The following CTDSPL2 variants were observed in gnomAD, a reference collection of about 807,000 sequenced individuals.
CTDSPL2 encodes CTD small phosphatase-like protein 2.
CTDSPL2 carries 5 observed loss-of-function variants against 60.0 expected under a neutral mutation model. That is an observed-to-expected ratio of 0.08 (90% CI 0.04 to 0.18). CTDSPL2 has a LOEUF of 0.18. Among genes scored for constraint, CTDSPL2 ranks in the 10% least tolerant of loss-of-function variants. CTDSPL2 has a pLI of 1.00. For missense variants in CTDSPL2, 370 were observed against 548.8 expected, an observed-to-expected ratio of 0.67 and a Z score of 3.26; for synonymous variants, 186 against 189.3, an observed-to-expected ratio of 0.98 and a Z score of 0.14.
chr15:44,449,921 G>A (rs1234356889), intron 1 of CTDSPL2, among the ~76,000 whole-genome samples: 2 of 151,826 alleles, frequency 1.3e-5, no homozygotes, highest in Non-Finnish European at 2.9e-5. Context: ...AACCCAGGAG[G>A]TGGAGGTTGC....
chr15:44,475,906 C>T (rs1171629363), intron 2 of CTDSPL2, among the ~76,000 whole-genome samples: 1 of 152,090 alleles, frequency 6.6e-6, no homozygotes, highest in Non-Finnish European at 1.5e-5. Context: ...TTGCTATTGA[C>T]AATTGCATCA....
chr15:44,521,467 A>C, intron 12 of CTDSPL2, 61 bp downstream of exon 12: 4 of 918,078 alleles, frequency 4.4e-6, no homozygotes, highest in Non-Finnish European at 6.8e-6. Flanking sequence ...TGAAATAAAT[A>C]TTTTTAAATG....
At chr15:44,429,960 GTCAGGGTTTGTATGTT>G (rs2079823917) in intron 1 of CTDSPL2, among the ~76,000 whole-genome samples, 1 of 152,216 alleles carries the variant, frequency 6.6e-6, no homozygotes, top group Non-Finnish European at 1.5e-5. Context: ...GCATAGGAAT[GTCAGGGTTTGTATGTT>G]TCACAAGATT....
At chr15:44,467,181 A>G (rs1251483142) in intron 2 of CTDSPL2, among the ~76,000 whole-genome samples, 1 of 152,202 alleles carries the variant, frequency 6.6e-6, no homozygotes, top group African/African-American at 2.4e-5. Context: ...TAGCACCCAG[A>G]TCTTGGTTTC....
chr15:44,491,049 AT>A, intron 5 of CTDSPL2, 50 bp downstream of exon 5: 1 of 1,382,330 alleles, frequency 7.2e-7, no homozygotes. Flanking sequence ...TTGATAAAAA[AT>A]AACAGTATTT....
At chr15:44,485,706 G>A (rs1207414337) in intron 3 of CTDSPL2, among the ~76,000 whole-genome samples, 11 of 152,142 alleles carry the variant, frequency 7.2e-5, no homozygotes, top group Admixed American at 7.2e-4. Flanking sequence ...AGAGTATGGA[G>A]TACTGTTTTA....
chr15:44,466,588 C>T (rs2080696981), intron 2 of CTDSPL2, among the ~76,000 whole-genome samples: 2 of 152,112 alleles, frequency 1.3e-5, no homozygotes, highest in Admixed American at 1.3e-4. Context: ...GTGTATTCTA[C>T]TACTTATCTA....
chr15:44,440,199 GTT>G (rs34781077), intron 1 of CTDSPL2, among the ~76,000 whole-genome samples: 6 of 140,704 alleles, frequency 4.3e-5, no homozygotes, highest in Admixed American at 1.4e-4. Context: ...TTGTTTTTGT[GTT>G]TTTTTTTTTT....
rs2081885622 is a variant in CTDSPL2 at position 44,526,956 on chromosome 15, T to G, written c.*2782T>G. ...GGTAAATGTCTGACTTTTAAGACATTCTTTTAAATATTTGTATCATTGTTA... is the reference window on the plus strand; with the variant it reads ...GGTAAATGTCTGACTTTTAAGACATGCTTTTAAATATTTGTATCATTGTTA... On this transcript the variant is annotated 3_prime_UTR_variant, in exon 13 of 13. Coordinates refer to ENST00000260327, the MANE Select transcript of CTDSPL2 (RefSeq NM_016396.3). 6.6e-6 allele frequency: 1 copy of G among 152,580 alleles called. No individual in the cohort carries two copies. Among genetic ancestry groups the G allele is most frequent in the African/African-American group, 2.4e-5 (1 of 41,464 alleles). The allele number at this position is 152,580 out of a possible 1,614,324, so 9.5% of individuals were successfully genotyped here.
intron 2 of CTDSPL2, among the ~76,000 whole-genome samples, chr15:44,464,906 A>G (rs2080652884): frequency 1.3e-5 from 2 of 152,048 alleles, no homozygotes; most frequent in South Asian, 2.1e-4. Context: ...GGGTTTCTCC[A>G]TGTTGCCCAG....
intron 1 of CTDSPL2, among the ~76,000 whole-genome samples, chr15:44,434,996 G>C (rs893033435): frequency 1.3e-5 from 2 of 152,014 alleles, no homozygotes; most frequent in Non-Finnish European, 2.9e-5. Flanking sequence ...ACACAGTGGC[G>C]CACGCCTGTA....
chr15:44,519,306 A>G lies in CTDSPL2; in HGVS notation c.1239+11A>G, dbSNP rs143279715. ...GCCTTTGCATATCAGGTAGGAAGAA[A>G]GTTGATAAACAAACTCAGATTGGAA... On this transcript the variant is annotated intron_variant, in intron 11 of 12. Coordinates refer to ENST00000260327, the MANE Select transcript of CTDSPL2 (RefSeq NM_016396.3). 4.0e-4 allele frequency: 618 copies of G among 1,542,038 alleles called. No homozygotes were observed. The highest frequency in any genetic ancestry group is 5.7e-4 in the Admixed American group (24 of 41,994).
intron 1 of CTDSPL2, among the ~76,000 whole-genome samples, chr15:44,433,087 G>C (rs1019692741): frequency 6.6e-6 from 1 of 151,910 alleles, no homozygotes; most frequent in African/African-American, 2.4e-5. Flanking sequence ...GGCTGAGGCA[G>C]GCGGATCCCC....
At chr15:44,506,267 TG>T in intron 8 of CTDSPL2, among the ~76,000 whole-genome samples, 1 of 151,720 alleles carries the variant, frequency 6.6e-6, no homozygotes, top group South Asian at 2.1e-4. Flanking sequence ...TCACCTCAAG[TG>T]ATCTGCCCAC....
At chr15:44,478,104 A>C (rs984572145) in intron 2 of CTDSPL2, among the ~76,000 whole-genome samples, 1 of 152,018 alleles carries the variant, frequency 6.6e-6, no homozygotes, top group African/African-American at 2.4e-5. Context: ...GTTTATGATT[A>C]GTCTTAGCAT....
At chr15:44,485,766 A>G (rs2081107928) in intron 3 of CTDSPL2, among the ~76,000 whole-genome samples, 1 of 152,200 alleles carries the variant, frequency 6.6e-6, no homozygotes, top group African/African-American at 2.4e-5. Flanking sequence ...GTCTCTGCCC[A>G]GTGCAGCAAT....
intron 5 of CTDSPL2, among the ~76,000 whole-genome samples, chr15:44,492,385 A>G (rs1289235087): frequency 1.3e-5 from 2 of 152,156 alleles, no homozygotes; most frequent in African/African-American, 4.8e-5. Context: ...AGGAAATATA[A>G]TATACAGATG....
chr15:44,472,134 C>T (rs2140743061), intron 2 of CTDSPL2, among the ~76,000 whole-genome samples: 1 of 152,030 alleles, frequency 6.6e-6, no homozygotes, highest in South Asian at 2.1e-4. Flanking sequence ...ATATTTTGAC[C>T]ATATGAAGAA....
At chr15:44,430,481 A>G (rs2079834623) in intron 1 of CTDSPL2, among the ~76,000 whole-genome samples, 1 of 152,020 alleles carries the variant, frequency 6.6e-6, no homozygotes, top group Admixed American at 6.6e-5. Context: ...TCCTGGCTAC[A>G]AGCAATCGTC....
Sources: gnomAD v4.1 joint callset for allele counts (sites outside exome capture counted in the v4.1 genomes callset) on GRCh38, gnomAD v4.1.1 for gene constraint, MANE v1.5 for transcripts, NCBI Gene and HGNC (gene_info 2026-07-23, HGNC 2026-07-21) for gene names.